The following DNAH6 variants were observed in gnomAD, a reference collection of about 807,000 sequenced individuals.
The protein encoded by DNAH6 is axonemal beta dynein heavy chain 6.
A neutral mutation model predicts 491.4 loss-of-function variants in DNAH6; 340 were observed. That is an observed-to-expected ratio of 0.69 (90% CI 0.63 to 0.76). The LOEUF (loss-of-function observed/expected upper bound fraction) is 0.76, where lower values mean the gene tolerates loss of function less well. DNAH6 is among the 30% of genes least tolerant of loss of function. DNAH6 has a pLI of 0.00. For missense variants in DNAH6, 4,443 were observed against 4,972.2 expected, an observed-to-expected ratio of 0.89 and a Z score of 3.20; for synonymous variants, 1,603 against 1,686.1, an observed-to-expected ratio of 0.95 and a Z score of 1.21.
At chr2:84,674,751 AGTGCCATGGGGATGAGG>A (rs912814024) in intron 40 of DNAH6, among the ~76,000 whole-genome samples, 5 of 152,188 alleles carry the variant, frequency 3.3e-5, no homozygotes, top group African/African-American at 1.2e-4. Context: ...CCCCTGACTC[AGTGCCATGGGGATGAGG>A]GTGGGAAGGG....
chr2:84,466,861 T>C, the DNAH6 span, among the ~76,000 whole-genome samples: 5 of 152,252 alleles, frequency 3.3e-5, no homozygotes, highest in African/African-American at 1.2e-4. Context: ...TGGTTACCTC[T>C]GTGGCATACA....
the DNAH6 span, among the ~76,000 whole-genome samples, chr2:84,480,871 G>A: frequency 1.3e-5 from 2 of 152,040 alleles, no homozygotes; most frequent in Non-Finnish European, 2.9e-5. Flanking sequence ...GCTGAGGCAG[G>A]AGAATCGATT....
chr2:84,524,524 A>G (rs1375444703), intron 2 of DNAH6, among the ~76,000 whole-genome samples: 1 of 151,936 alleles, frequency 6.6e-6, no homozygotes, highest in Non-Finnish European at 1.5e-5. Context: ...GGTTGCTTTA[A>G]AGTGTCACTG....
intron 42 of DNAH6, among the ~76,000 whole-genome samples, chr2:84,682,139 C>T (rs1024225406): frequency 2.6e-5 from 4 of 152,336 alleles, no homozygotes; most frequent in Non-Finnish European, 5.9e-5. Context: ...CTTTACTATA[C>T]GTCAATCAAA....
chr2:84,565,003 A>G (rs536113969), intron 11 of DNAH6, among the ~76,000 whole-genome samples: 2 of 152,256 alleles, frequency 1.3e-5, no homozygotes, highest in Admixed American at 6.5e-5. Flanking sequence ...ATTGATTTGC[A>G]TATGTTAAAA....
At chr2:84,497,106 G>A in the DNAH6 span, among the ~76,000 whole-genome samples, 1 of 151,830 alleles carries the variant, frequency 6.6e-6, no homozygotes, top group African/African-American at 2.4e-5. Flanking sequence ...AAGTAGCTGG[G>A]ACTATAGGTG....
intron 46 of DNAH6, 55 bp from the exon 47 acceptor site, chr2:84,697,520 A>G (rs1219701459): frequency 6.9e-7 from 1 of 1,455,196 alleles, no homozygotes; most frequent in Admixed American, 2.7e-5. Flanking sequence ...TATTTGCTTT[A>G]TAATAAATGG....
chr2:84,706,489 C>A (rs1037116843), intron 52 of DNAH6, among the ~76,000 whole-genome samples: 1 of 152,150 alleles, frequency 6.6e-6, no homozygotes. Flanking sequence ...TGTACAAAAA[C>A]AGGCAGCAGG....
At chr2:84,751,747 C>A (rs1673493523) in intron 63 of DNAH6, among the ~76,000 whole-genome samples, 1 of 152,200 alleles carries the variant, frequency 6.6e-6, no homozygotes, top group South Asian at 2.1e-4. Flanking sequence ...CACCAGTGTT[C>A]TCAAATTTTG....
the DNAH6 span, among the ~76,000 whole-genome samples, chr2:84,465,327 C>G: frequency 2.5e-3 from 378 of 152,184 alleles, no homozygotes; most frequent in African/African-American, 8.6e-3. Context: ...AACCTCGTCT[C>G]TACTAAAAAT....
In DNAH6 at chr2:84,808,513, C is replaced by T. The variant is rs376921541; in HGVS notation, c.11710C>T (p.Arg3904Trp). 1.2e-5 allele frequency: 18 copies of T among 1,551,544 alleles called. No homozygotes were observed. The Admixed American group carries it at 1.4e-4, about 12-fold the overall frequency. The change falls in exon 72 of 77, where the codon CGG becomes TGG. Residue 3904 changes from arginine to tryptophan, a missense_variant. This residue lies in a region of DNAH6 where 1,463 missense variants were observed against 1,656.6 expected (regional missense o/e 0.88). Transcript: ENST00000389394. Reference protein sequence around the residue: ...LTTVLGQEVDRFNNLLKLIHT... With the variant: ...LTTVLGQEVDWFNNLLKLIHT... ...CACCGTTCTTGGACAGGAAGTGGACCGGTTTAACAACCTGCTGAAGTTAAT... is the reference window on the plus strand; with the variant it reads ...CACCGTTCTTGGACAGGAAGTGGACTGGTTTAACAACCTGCTGAAGTTAAT...
chr2:84,535,488 T>C (rs1018702442), intron 4 of DNAH6, among the ~76,000 whole-genome samples: 1 of 151,754 alleles, frequency 6.6e-6, no homozygotes, highest in Non-Finnish European at 1.5e-5. Context: ...CAGAAAAGGG[T>C]TTGAGCTTTT....
intron 62 of DNAH6, among the ~76,000 whole-genome samples, chr2:84,739,127 A>G (rs941764820): frequency 1.1e-4 from 16 of 152,208 alleles, no homozygotes; most frequent in African/African-American, 3.9e-4. Flanking sequence ...TTCTTGGCTG[A>G]CATTTATTAT....
chr2:84,559,302 A>G (rs762858760), intron 11 of DNAH6, among the ~76,000 whole-genome samples: 3 of 152,234 alleles, frequency 2.0e-5, no homozygotes, highest in Non-Finnish European at 4.4e-5. Flanking sequence ...TGGGGGAGGA[A>G]ACAAGGTTAA....
In DNAH6 at chr2:84,653,570, G is replaced by A; in HGVS notation, c.5330G>A (p.Gly1777Glu). 1 of 1,551,234 alleles carries A rather than the reference G, an allele frequency of 6.4e-7. No individual in the cohort carries two copies. Among genetic ancestry groups the A allele is most frequent in the Non-Finnish European group, 8.7e-7 (1 of 1,146,706 alleles). ...AETLGNLQKL[G>E]IENSFYQAVK... The stretch of plus-strand genomic sequence containing the variant: ...ACTTTAGGGAATTTACAAAAACTTG[G>A]GATAGAAAATTCCTTTTACCAAGCA... The change falls in exon 34 of 77, where the codon GGG becomes GAG. Residue 1777 changes from glycine (G) to glutamate (E), a missense_variant. By Grantham distance (98) the Gly-to-Glu change is moderately conservative. This residue lies in a region of DNAH6 where 2,977 missense variants were observed against 3,296.6 expected (regional missense o/e 0.90). Coordinates refer to ENST00000389394, the MANE Select transcript of DNAH6 (RefSeq NM_001370.2).
In DNAH6 at chr2:84,704,218, A is replaced by G; in HGVS notation, c.8381A>G (p.Asp2794Gly). Residue 2794 changes from aspartate (D) to glycine (G), a missense_variant, in exon 51 of 77, where the codon GAT becomes GGT. Coordinates refer to ENST00000389394, the MANE Select transcript of DNAH6 (RefSeq NM_001370.2). ...GCACTGGATTCCTTAGATAAGGCAG[A>G]TATATCTGAAATCAGAGTTTTTACA... ...NKALDSLDKA[D>G]ISEIRVFTKP... 6.4e-7 allele frequency: 1 copy of G among 1,551,912 alleles called. No individual in the cohort carries two copies. The highest frequency in any genetic ancestry group is 1.7e-4 in the Middle Eastern group (1 of 5,994).
chr2:84,605,044 A>G (rs1181059691), intron 19 of DNAH6, among the ~76,000 whole-genome samples: 1 of 152,176 alleles, frequency 6.6e-6, no homozygotes, highest in South Asian at 2.1e-4. Flanking sequence ...CAAGAAGAAG[A>G]TTTTAAGAAT....
intron 10 of DNAH6, among the ~76,000 whole-genome samples, chr2:84,554,983 G>T (rs555580667): frequency 6.6e-6 from 1 of 152,186 alleles, no homozygotes; most frequent in Admixed American, 6.5e-5. Context: ...AACATACATG[G>T]TCAAGCTCTG....
At chr2:84,608,477 A>G (rs932235744) in intron 21 of DNAH6, among the ~76,000 whole-genome samples, 2 of 152,238 alleles carry the variant, frequency 1.3e-5, no homozygotes, top group African/African-American at 2.4e-5. Flanking sequence ...GTTAGCAGGC[A>G]TGAAAGCAAC....
Sources: allele counts gnomAD v4.1 joint callset (sites outside exome capture counted in the v4.1 genomes callset), GRCh38; gene constraint gnomAD v4.1.1; regional missense constraint gnomAD v4.1.1; transcripts MANE v1.5; gene names NCBI Gene and HGNC (gene_info 2026-07-23, HGNC 2026-07-21).